DYNC1I1: variants seen among roughly 807,000 people sequenced by gnomAD.
DYNC1I1 encodes the protein dynein cytoplasmic 1 intermediate chain 1, also known as cytoplasmic dynein 1 intermediate chain 1.
Under a neutral mutation model 86.6 loss-of-function variants are expected in DYNC1I1, and 43 were observed. The observed-to-expected ratio is 0.50, with a 90% confidence interval of 0.39 to 0.64. DYNC1I1 has a LOEUF of 0.64. DYNC1I1 is among the 30% of genes least tolerant of loss of function. DYNC1I1 has a pLI of 0.00. For missense variants in DYNC1I1, 604 were observed against 788.8 expected, an observed-to-expected ratio of 0.77 and a Z score of 2.81; for synonymous variants, 262 against 283.7, an observed-to-expected ratio of 0.92 and a Z score of 0.77.
chr7:96,012,659 C>G (rs1467872236), intron 10 of DYNC1I1, among the ~76,000 whole-genome samples: 1 of 152,106 alleles, frequency 6.6e-6, no homozygotes, highest in African/African-American at 2.4e-5. Flanking sequence ...GTGACCATGA[C>G]TTTAGCTAGT....
At chr7:96,059,198 G>A (rs986346178) in intron 14 of DYNC1I1, among the ~76,000 whole-genome samples, 1 of 152,046 alleles carries the variant, frequency 6.6e-6, no homozygotes, top group Non-Finnish European at 1.5e-5. Flanking sequence ...ATGCCTGAAG[G>A]ATGCTTGTTT....
In DYNC1I1 at chr7:96,097,486, G is replaced by T. The variant is rs746207445; in HGVS notation, c.1780G>T (p.Ala594Ser). The T allele has an allele frequency of 1.9e-6, 3 of 1,613,620 alleles. No individual in the cohort carries two copies. The highest frequency in any genetic ancestry group is 4.5e-5 in the East Asian group (2 of 44,870). ...RIWVYDVGEL[A>S]VPHNDEWTRF... ...TCTCCATTGATTTGCTTTGCAGCTT[G>T]CAGTTCCCCACAATGATGAATGGAC... is the stretch of plus-strand genomic sequence containing the variant. Residue 594 changes from alanine (A) to serine (S), a missense_variant, in exon 17 of 17, where the codon GCA becomes TCA. By Grantham distance (99) the Ala-to-Ser change is moderately conservative (BLOSUM62 1). Transcript: ENST00000447467.
rs539162846 is a variant in DYNC1I1 at position 96,039,265 on chromosome 7, C to G, written c.1365-12C>G. ...GTCACTGGAATTCTGCTCATGTGTG[C>G]TCTTCCTACAGCAAAGCAGGTATTG... On this transcript the variant is annotated splice_polypyrimidine_tract_variant and intron_variant, in intron 13 of 16. Transcript: ENST00000447467. 2 of 1,610,604 alleles carry G rather than the reference C, an allele frequency of 1.2e-6. No individual in the cohort carries two copies. Among genetic ancestry groups the G allele is most frequent in the African/African-American group, 2.7e-5 (2 of 74,852 alleles).
intron 5 of DYNC1I1, among the ~76,000 whole-genome samples, chr7:95,857,448 G>A (rs1183263598): frequency 6.6e-6 from 1 of 152,180 alleles, no homozygotes; most frequent in African/African-American, 2.4e-5. Context: ...TCATTTTGTT[G>A]GCATTGCAAT....
intron 14 of DYNC1I1, among the ~76,000 whole-genome samples, chr7:96,043,010 A>G (rs1242323488): frequency 2.0e-5 from 3 of 151,910 alleles, no homozygotes; most frequent in East Asian, 3.9e-4. Flanking sequence ...AAATACAAAA[A>G]TTAGCTGGGC....
intron 14 of DYNC1I1, among the ~76,000 whole-genome samples, chr7:96,071,295 C>G (rs1790150566): frequency 6.6e-6 from 1 of 152,042 alleles, no homozygotes; most frequent in African/African-American, 2.4e-5. Flanking sequence ...TTTTTCCATT[C>G]TATCCTTACC....
intron 10 of DYNC1I1, among the ~76,000 whole-genome samples, chr7:96,014,109 T>C (rs780259955): frequency 5.3e-5 from 8 of 152,154 alleles, no homozygotes; most frequent in Non-Finnish European, 1.0e-4. Context: ...ATTCAAATCA[T>C]TTTTTACTTA....
chr7:95,852,145 TTTGA>T (rs1204169511), intron 5 of DYNC1I1, among the ~76,000 whole-genome samples: 1 of 152,164 alleles, frequency 6.6e-6, no homozygotes, highest in Non-Finnish European at 1.5e-5. Context: ...TGGGCTTTTC[TTTGA>T]TTGGAGACTT....
At chr7:95,825,511 C>T (rs114461371) in intron 4 of DYNC1I1, among the ~76,000 whole-genome samples, 59 of 152,302 alleles carry the variant, frequency 3.9e-4, no homozygotes, top group African/African-American at 1.0e-3. Context: ...ATATGAATTA[C>T]GTTAACATAT....
At chr7:95,858,320 G>C (rs1789779633) in intron 5 of DYNC1I1, among the ~76,000 whole-genome samples, 1 of 152,128 alleles carries the variant, frequency 6.6e-6, no homozygotes, top group Non-Finnish European at 1.5e-5. Flanking sequence ...AATAACTTGA[G>C]ATTAAGTCAA....
intron 5 of DYNC1I1, among the ~76,000 whole-genome samples, chr7:95,854,951 A>G (rs1033447308): frequency 6.6e-6 from 1 of 152,310 alleles, no homozygotes; most frequent in Middle Eastern, 3.4e-3. Flanking sequence ...TAGGTATGAG[A>G]GTAGGTTACA....
chr7:95,862,337 T>A (rs1789904749), intron 5 of DYNC1I1, among the ~76,000 whole-genome samples: 1 of 144,912 alleles, frequency 6.9e-6, no homozygotes, highest in South Asian at 2.3e-4. Flanking sequence ...TATAAACATT[T>A]CTTACAACTC....
intron 6 of DYNC1I1, among the ~76,000 whole-genome samples, chr7:95,875,359 A>G (rs1266141753): frequency 6.6e-6 from 1 of 152,236 alleles, no homozygotes; most frequent in Non-Finnish European, 1.5e-5. Flanking sequence ...CAGCATTGCT[A>G]GAATTTACTC....
chr7:95,884,142 G>C (rs1045073898), intron 6 of DYNC1I1, among the ~76,000 whole-genome samples: 5 of 152,136 alleles, frequency 3.3e-5, no homozygotes, highest in Non-Finnish European at 7.3e-5. Flanking sequence ...TGACACTACT[G>C]AGAAATGCAG....
chr7:96,031,356 A>C (rs1414739451), intron 11 of DYNC1I1, among the ~76,000 whole-genome samples: 1 of 152,188 alleles, frequency 6.6e-6, no homozygotes, highest in African/African-American at 2.4e-5. Flanking sequence ...GAGAGGAGTA[A>C]CAGGGAACAA....
At chr7:96,089,155 TA>T (rs11285708) in intron 16 of DYNC1I1, among the ~76,000 whole-genome samples, 128,504 of 148,004 alleles carry the variant, frequency 0.87, 55,805 homozygotes, top group East Asian at 0.98. Flanking sequence ...TAGTATGATT[TA>T]AAAAAAAAAA....
chr7:96,081,706 A>C (rs990693863), intron 16 of DYNC1I1, among the ~76,000 whole-genome samples: 1 of 152,156 alleles, frequency 6.6e-6, no homozygotes, highest in African/African-American at 2.4e-5. Context: ...AGGGTTCTTT[A>C]TGGTTTCATC....
At chr7:96,085,426 T>TA (rs1334791820) in intron 16 of DYNC1I1, among the ~76,000 whole-genome samples, 1 of 152,100 alleles carries the variant, frequency 6.6e-6, no homozygotes, top group Non-Finnish European at 1.5e-5. Context: ...CCACAGCCTA[T>TA]GACTCAAGAG....
At chr7:95,971,370 CT>C (rs1455679913) in intron 6 of DYNC1I1, among the ~76,000 whole-genome samples, 2 of 152,048 alleles carry the variant, frequency 1.3e-5, no homozygotes, top group Admixed American at 1.3e-4. Flanking sequence ...GGGGTTAAGC[CT>C]TTTTCTATTA....
Sources: allele counts gnomAD v4.1 joint callset (sites outside exome capture counted in the v4.1 genomes callset), GRCh38; gene constraint gnomAD v4.1.1; transcripts MANE v1.5; gene names NCBI Gene and HGNC (gene_info 2026-07-23, HGNC 2026-07-21).